The following SPCS2 variants were observed in gnomAD, a reference collection of about 807,000 sequenced individuals.
SPCS2 encodes the protein signal peptidase complex subunit 2, also known as SPase 25 kDa subunit.
Under a neutral mutation model 22.3 loss-of-function variants are expected in SPCS2, and 3 were observed. The observed-to-expected ratio is 0.13, with a 90% CI of 0.06 to 0.35. The LOEUF is 0.35. Among genes scored for constraint, SPCS2 ranks in the 10% least tolerant of loss-of-function variants. The pLI, the probability that SPCS2 is intolerant of heterozygous loss-of-function variation, is 1.00. For synonymous variants in SPCS2, 67 were observed against 97.2 expected (o/e 0.69, Z 1.83); for missense variants, 169 against 280.9 (o/e 0.60, Z 2.85).
chr11:74,965,098 T>C lies in SPCS2; in HGVS notation c.179T>C (p.Leu60Ser). ...KWDGSAVKNS[L>S]DDSAKKVLLE... ...GATGGATCAGCTGTGAAAAACTCTT[T>C]GGATGATTCTGCCAAAAAGGTACTT... is the stretch of plus-strand genomic sequence containing the variant. The change falls in exon 2 of 5, where the codon TTG (leucine) becomes TCG (serine). Residue 60 changes from leucine to serine, a missense_variant. Coordinates refer to ENST00000263672, the MANE Select transcript of SPCS2 (RefSeq NM_014752.3). 6.4e-7 allele frequency: 1 copy of C among 1,550,848 alleles called. No homozygotes were observed. Among genetic ancestry groups the C allele is most frequent in the Non-Finnish European group, 8.7e-7 (1 of 1,146,250 alleles).
chr11:74,949,725 C>T, intron 1 of SPCS2: 1 of 453,782 alleles, frequency 2.2e-6, no homozygotes. Flanking sequence ...TTGTCAGTGC[C>T]CATTTCACAG....
At chr11:74,973,668 C>G (rs923048169) in intron 4 of SPCS2, among the ~76,000 whole-genome samples, 4 of 152,194 alleles carry the variant, frequency 2.6e-5, no homozygotes, top group Admixed American at 1.3e-4. Context: ...CATGACACTT[C>G]TGTAGTCCAG....
intron 2 of SPCS2, 52 bp from the exon 3 acceptor site, chr11:74,965,711 A>G: frequency 6.8e-7 from 1 of 1,464,826 alleles, no homozygotes; most frequent in Non-Finnish European, 9.5e-7. Context: ...ATAAAAGCAC[A>G]TACTGGGGAG....
intron 4 of SPCS2, among the ~76,000 whole-genome samples, chr11:74,972,982 A>G (rs1387274815): frequency 6.6e-6 from 1 of 152,058 alleles, no homozygotes; most frequent in Admixed American, 6.6e-5. Flanking sequence ...AAAACCAAAC[A>G]TCGCATATTC....
chr11:74,973,109 G>T (rs1007071191), intron 4 of SPCS2, among the ~76,000 whole-genome samples: 1 of 152,104 alleles, frequency 6.6e-6, no homozygotes, highest in African/African-American at 2.4e-5. Context: ...TATTTCCACT[G>T]CAGACTGCAA....
chr11:74,963,886 G>A (rs1439880509), intron 1 of SPCS2, among the ~76,000 whole-genome samples: 1 of 152,108 alleles, frequency 6.6e-6, no homozygotes, highest in Admixed American at 6.6e-5. Context: ...TTAAGAGTTG[G>A]CCATTAATGG....
chr11:74,967,274 G>T (rs1270947137), intron 3 of SPCS2, among the ~76,000 whole-genome samples: 1 of 152,198 alleles, frequency 6.6e-6, no homozygotes, highest in African/African-American at 2.4e-5. Flanking sequence ...ATAGGTTCTA[G>T]AGACAGTTCC....
chr11:74,955,403 T>G (rs1223081346), intron 1 of SPCS2, among the ~76,000 whole-genome samples: 1 of 152,174 alleles, frequency 6.6e-6, no homozygotes, highest in Non-Finnish European at 1.5e-5. Flanking sequence ...AATAAAGTAT[T>G]GATACATACT....
At position 74,969,653 on chromosome 11, in the gene SPCS2, G is replaced by C. The variant is rs1948569134; in HGVS notation, c.448G>C (p.Gly150Arg). The part of the protein sequence containing the change: ...FLVAHRKDPT[G>R]MDPDDIWQLS... Reference sequence around the variant, plus strand: ...CGTGGCCCACAGGAAAGATCCTACAGGAATGGATCCTGATGATATTTGGCA... The same window carrying C: ...CGTGGCCCACAGGAAAGATCCTACACGAATGGATCCTGATGATATTTGGCA... The change falls in exon 4 of 5, where the codon GGA becomes CGA. Residue 150 changes from glycine (G) to arginine (R), a missense_variant. Transcript: ENST00000263672. 6.2e-7 allele frequency: 1 copy of C among 1,613,726 alleles called. No homozygotes were observed. The highest frequency in any genetic ancestry group is 8.5e-7 in the Non-Finnish European group (1 of 1,179,674).
At chr11:74,964,702 T>C (rs568800242) in intron 1 of SPCS2, among the ~76,000 whole-genome samples, 1 of 152,332 alleles carries the variant, frequency 6.6e-6, no homozygotes, top group Admixed American at 6.5e-5. Context: ...GCAGCCCATA[T>C]ACGTTTTCTG....
At chr11:74,962,900 T>G (rs1378342793) in intron 1 of SPCS2, among the ~76,000 whole-genome samples, 1 of 152,266 alleles carries the variant, frequency 6.6e-6, no homozygotes, top group African/African-American at 2.4e-5. Flanking sequence ...TGGCTGCTTC[T>G]GCATTTTATT....
In SPCS2 at chr11:74,976,872, C is replaced by A; in HGVS notation, c.510C>A (p.Tyr170Ter). 6.2e-7 allele frequency: 1 copy of A among 1,613,532 alleles called. No individual in the cohort carries two copies. The highest frequency in any genetic ancestry group is 8.5e-7 in the Non-Finnish European group (1 of 1,179,642). Residue 170 changes from tyrosine (Y) to a stop codon, truncating the protein, a stop_gained, in exon 5 of 5, where the codon TAC becomes TAA. Transcript: ENST00000263672. LOFTEE classifies it high-confidence loss of function. ...CCATGCTTAGGTTTGATGACAAATA[C>A]ACCTTGAAGCTGACCTTCATCAGTG... ...SSSLKRFDDK[Y>*]TLKLTFISGR... is the part of the protein sequence containing the mutation.
At chr11:74,963,441 T>C (rs559159135) in intron 1 of SPCS2, among the ~76,000 whole-genome samples, 11 of 152,134 alleles carry the variant, frequency 7.2e-5, no homozygotes, top group South Asian at 2.1e-4. Context: ...TGTAATAATA[T>C]ATAGAATCAC....
chr11:74,957,707 T>C (rs1948488142), intron 1 of SPCS2, among the ~76,000 whole-genome samples: 1 of 152,234 alleles, frequency 6.6e-6, no homozygotes, highest in Admixed American at 6.5e-5. Flanking sequence ...CTTCTTACCA[T>C]TTAGCACTTA....
At chr11:74,970,099 A>C (rs1488554100) in intron 4 of SPCS2, among the ~76,000 whole-genome samples, 1 of 152,220 alleles carries the variant, frequency 6.6e-6, no homozygotes, top group Admixed American at 6.5e-5. Context: ...GCAACTCAAA[A>C]AAAGCACAAT....
At chr11:74,972,340 A>G (rs1948589590) in intron 4 of SPCS2, among the ~76,000 whole-genome samples, 1 of 152,216 alleles carries the variant, frequency 6.6e-6, no homozygotes, top group South Asian at 2.1e-4. Flanking sequence ...GTGGGATTAC[A>G]GGTGTGAGCC....
At chr11:74,976,263 A>G (rs149341550) in intron 4 of SPCS2, among the ~76,000 whole-genome samples, 7 of 152,384 alleles carry the variant, frequency 4.6e-5, no homozygotes, top group African/African-American at 1.7e-4. Context: ...ACCAGAAACA[A>G]AGGGAAAAGA....
At position 74,964,952 on chromosome 11, in the gene SPCS2, G is replaced by A. The variant is rs140688832; in HGVS notation, c.115-82G>A. ...AGAGTAAATATTATATGTGCATGAG[G>A]GATGCTCTTAAAAAATGGTTCATTT... On this transcript the variant is annotated intron_variant, in intron 1 of 4. Transcript: ENST00000263672. 1,079 of 861,358 alleles carry A rather than the reference G, an allele frequency of 1.3e-3. 4 individuals are homozygous for A. The highest frequency in any genetic ancestry group is 1.8e-3 in the Non-Finnish European group (1,001 of 545,886). 53.4% of individuals were successfully genotyped at this position (861,358 alleles called of 1,614,324 possible). A position where few individuals can be genotyped will look rare whatever the true frequency, so the allele number is the denominator to read the frequency against.
At chr11:74,959,122 T>G (rs1040403313) in intron 1 of SPCS2, among the ~76,000 whole-genome samples, 6 of 152,284 alleles carry the variant, frequency 3.9e-5, no homozygotes, top group Middle Eastern at 3.4e-3. Context: ...TTATTTTTCT[T>G]AAAGCCATGC....
Sources: gnomAD v4.1 joint callset for allele counts (sites outside exome capture counted in the v4.1 genomes callset) on GRCh38, gnomAD v4.1.1 for gene constraint, MANE v1.5 for transcripts, NCBI Gene and HGNC (gene_info 2026-07-23, HGNC 2026-07-21) for gene names.